Variants in AMOTL1 observed in about 807,000 individuals in gnomAD.
AMOTL1 encodes the protein angiomotin-like protein 1.
A neutral mutation model predicts 102.9 loss-of-function variants in AMOTL1; 45 were observed. That is an observed-to-expected ratio of 0.44 (90% CI 0.34 to 0.56). The LOEUF is 0.56. Among genes scored for constraint, AMOTL1 ranks in the 20% least tolerant of loss-of-function variants. AMOTL1 has a pLI of 0.01. For synonymous variants in AMOTL1, 481 were observed against 484.7 expected, an observed-to-expected ratio of 0.99 and a Z score of 0.10; for missense variants, 1,114 against 1,225.6, an observed-to-expected ratio of 0.91 and a Z score of 1.36.
intron 6 of AMOTL1, among the ~76,000 whole-genome samples, chr11:94,835,081 AT>A (rs1257576026): frequency 6.6e-6 from 1 of 152,106 alleles, no homozygotes; most frequent in Non-Finnish European, 1.5e-5. Flanking sequence ...CCCTTGAGGA[AT>A]TTTTTTCCCC....
At chr11:94,785,599 T>C (rs1951174539) in intron 1 of AMOTL1, among the ~76,000 whole-genome samples, 1 of 152,220 alleles carries the variant, frequency 6.6e-6, no homozygotes, top group Admixed American at 6.5e-5. Context: ...AGGAGCTGGG[T>C]GAGTGTGATT....
rs1952996480 is a variant in AMOTL1, at chr11:94,871,546, T to G, written c.*751T>G. ...TCTTTTTAATAAGACATAGCAGAAT[T>G]CCTTAGGTATGGGATTTATGAGACC... On this transcript the variant is annotated 3_prime_UTR_variant, in exon 13 of 13. Coordinates refer to ENST00000433060, the MANE Select transcript of AMOTL1 (RefSeq NM_130847.3). The G allele has an allele frequency of 1.3e-5, 2 of 152,238 alleles. No homozygotes were observed. The highest frequency in any genetic ancestry group is 2.9e-5 in the Non-Finnish European group (2 of 68,048). The allele number at this position is 152,238 out of a possible 1,614,324, so 9.4% of individuals were successfully genotyped here.
chr11:94,834,715 C>T (rs1432345789), intron 6 of AMOTL1, among the ~76,000 whole-genome samples: 5 of 152,152 alleles, frequency 3.3e-5, no homozygotes. Context: ...GAATAACATG[C>T]TCAGCTTTTT....
At chr11:94,772,361 G>A (rs1240049717) in intron 1 of AMOTL1, among the ~76,000 whole-genome samples, 1 of 152,080 alleles carries the variant, frequency 6.6e-6, no homozygotes, top group Non-Finnish European at 1.5e-5. Flanking sequence ...TAGTTGCACT[G>A]GCCCTCTTCT....
intron 7 of AMOTL1, 99 bp downstream of exon 7, chr11:94,850,358 A>T: frequency 7.1e-7 from 1 of 1,415,726 alleles, no homozygotes; most frequent in Non-Finnish European, 9.3e-7. Flanking sequence ...ACCAGAGCCA[A>T]TTCCAAGGAG....
At chr11:94,767,253 G>T (rs1320891205), upstream of AMOTL1, among the ~76,000 whole-genome samples, 1 of 152,124 alleles carries the variant, frequency 6.6e-6, no homozygotes, top group Admixed American at 6.5e-5. Flanking sequence ...GACTTTAAAT[G>T]GAGTAGGCAT....
chr11:94,831,622 G>C lies in AMOTL1; in HGVS notation c.1648+81G>C, dbSNP rs146876838. On this transcript the variant is annotated intron_variant, in intron 6 of 12. Coordinates refer to ENST00000433060, the MANE Select transcript of AMOTL1 (RefSeq NM_130847.3). ...GAAGGAAGAATCATATTAGTTTCAA[G>C]TGGGTTTTGTGCTGTTTGCTTTTTG... 1.3e-3 allele frequency: 1,631 copies of C among 1,234,024 alleles called. 25 individuals carry two copies. In the African/African-American group the frequency reaches 0.022, roughly 17 times the overall value. 76.4% of individuals were successfully genotyped at this position (1,234,024 alleles called of 1,614,324 possible). A position where few individuals can be genotyped will look rare whatever the true frequency, so the allele number is the denominator to read the frequency against.
In AMOTL1 at chr11:94,719,902, G is replaced by T. The variant is rs191782942; in HGVS notation, c.-50-9019G>T. Among the ~76,000 whole-genome samples the T allele has an allele frequency of 2.0e-5, 3 of 152,160 alleles. No homozygotes were observed. In the East Asian group the frequency reaches 5.8e-4, roughly 30 times the overall value. On this transcript the variant is annotated intron_variant, in intron 1 of 4. Transcript: ENST00000299004. ...ACTTCGGAGATTTTTAAGAAATACG[G>T]GCACCCAAGGATCTGCCCCCAGAGA... is the stretch of plus-strand genomic sequence containing the variant.
chr11:94,717,609 G>A (rs1950116106), intron 1 of AMOTL1, among the ~76,000 whole-genome samples: 1 of 151,782 alleles, frequency 6.6e-6, no homozygotes, highest in African/African-American at 2.4e-5. Context: ...TTTTTAAATT[G>A]GTAAGTTATT....
intron 3 of AMOTL1, among the ~76,000 whole-genome samples, chr11:94,800,933 A>G (rs571296199): frequency 6.6e-6 from 1 of 152,158 alleles, no homozygotes; most frequent in Non-Finnish European, 1.5e-5. Context: ...TGATTGATGG[A>G]TTCAGCAGCA....
Position 94,845,821 on chromosome 11 carries a change from C to T in AMOTL1, c.1649-4293C>T, listed in dbSNP as rs75609701. ...AGCCATCAAGCTAAACAGCTCCCTG[C>T]GCCACACAGTTCAGGGTAGTTCATA... On this transcript the variant is annotated intron_variant, in intron 6 of 12. Transcript: ENST00000433060. 2.9e-3 allele frequency among the ~76,000 whole-genome samples: 440 copies of T among 152,312 alleles called. 3 individuals are homozygous for T. The highest frequency in any genetic ancestry group is 0.01 in the African/African-American group (421 of 41,564).
intron 3 of AMOTL1, among the ~76,000 whole-genome samples, chr11:94,811,755 C>G (rs1373384529): frequency 6.6e-6 from 1 of 152,180 alleles, no homozygotes; most frequent in Non-Finnish European, 1.5e-5. Context: ...TATACAATTA[C>G]TGAGCACTTT....
chr11:94,858,043 G>T (rs116454782), intron 8 of AMOTL1, among the ~76,000 whole-genome samples: 3 of 152,172 alleles, frequency 2.0e-5, no homozygotes, highest in African/African-American at 7.2e-5. Context: ...ATGATCTCAC[G>T]TGAGGTTAAG....
upstream of AMOTL1, among the ~76,000 whole-genome samples, chr11:94,767,111 T>G (rs1950864397): frequency 6.6e-6 from 1 of 152,208 alleles, no homozygotes; most frequent in Admixed American, 6.5e-5. Flanking sequence ...TTGGATCTCC[T>G]GCTTTGTTGC....
chr11:94,809,919 T>C (rs1365578713), intron 3 of AMOTL1, among the ~76,000 whole-genome samples: 1 of 152,260 alleles, frequency 6.6e-6, no homozygotes, highest in African/African-American at 2.4e-5. Context: ...AGAGCTTTTA[T>C]GTATTTTTAG....
At chr11:94,774,201 T>C (rs1950993054) in intron 1 of AMOTL1, among the ~76,000 whole-genome samples, 1 of 152,254 alleles carries the variant, frequency 6.6e-6, no homozygotes, top group East Asian at 1.9e-4. Context: ...TTCTTACTCA[T>C]GGAAGTGTTC....
At chr11:94,769,804 C>A (rs77457095) in intron 1 of AMOTL1, among the ~76,000 whole-genome samples, 8,692 of 152,072 alleles carry the variant, frequency 0.057, 543 homozygotes, top group East Asian at 0.28. Flanking sequence ...TTCCCATTTT[C>A]TTCTCCTGAG....
intron 3 of AMOTL1, among the ~76,000 whole-genome samples, chr11:94,755,740 T>G (rs1347921594): frequency 6.6e-6 from 1 of 152,152 alleles, no homozygotes; most frequent in East Asian, 1.9e-4. Flanking sequence ...GGAGCGTTTT[T>G]GGGCTCCAAG....
chr11:94,730,878 A>C (rs909576085), intron 2 of AMOTL1, among the ~76,000 whole-genome samples: 1 of 152,198 alleles, frequency 6.6e-6, no homozygotes, highest in Non-Finnish European at 1.5e-5. Flanking sequence ...AAGGCAGAGG[A>C]GAGAAAGAAA....
Sources: gnomAD v4.1 joint callset for allele counts (sites outside exome capture counted in the v4.1 genomes callset) on GRCh38, gnomAD v4.1.1 for gene constraint, MANE v1.5 for transcripts, NCBI Gene and HGNC (gene_info 2026-07-23, HGNC 2026-07-21) for gene names.